NRK: variants seen among roughly 807,000 people sequenced by gnomAD.
NRK encodes the protein nik-related protein kinase.
In NRK, 67 loss-of-function variants were observed where a neutral mutation model predicts 125.2. The observed-to-expected ratio is 0.54, with a 90% CI of 0.44 to 0.66. The LOEUF (loss-of-function observed/expected upper bound fraction) is 0.66. Ranked by LOEUF, NRK falls within the 30% of genes least tolerant of loss-of-function variation. The probability of loss-of-function intolerance (pLI) is 0.00; values close to 1 mark genes in which losing one functional copy is unlikely to be tolerated. For missense variants in NRK, 1,224 were observed against 1,192.9 expected (o/e 1.03, Z -0.38); for synonymous variants, 458 against 429.0 (o/e 1.07, Z -0.84).
chrX:105,826,437 G>C (rs2039114215), intron 1 of NRK, among the ~76,000 whole-genome samples: 1 of 90,849 alleles, frequency 1.1e-5, no homozygotes, highest in African/African-American at 4.3e-5. Flanking sequence ...GTGTCCTTGA[G>C]ACTGGAAACT....
intron 9 of NRK, among the ~76,000 whole-genome samples, chrX:105,902,654 G>A (rs1280165597): frequency 8.9e-6 from 1 of 112,061 alleles, no homozygotes; most frequent in Non-Finnish European, 1.9e-5. Flanking sequence ...ACAGCAGGAG[G>A]TGAGCGGCGA....
chrX:105,878,894 A>G (rs2147704793), intron 2 of NRK, among the ~76,000 whole-genome samples: 1 of 111,155 alleles, frequency 9.0e-6, no homozygotes, highest in Non-Finnish European at 1.9e-5. Flanking sequence ...AATTGCTACA[A>G]ACTGGATGGC....
chrX:105,840,478 C>A (rs1001025534), intron 2 of NRK, among the ~76,000 whole-genome samples: 6 of 111,335 alleles, frequency 5.4e-5, no homozygotes, highest in African/African-American at 2.0e-4. Flanking sequence ...GAGACAAATA[C>A]ACATTTCTAA....
intron 5 of NRK, among the ~76,000 whole-genome samples, chrX:105,892,731 CTCT>C (rs1370304107): frequency 9.0e-6 from 1 of 111,497 alleles, no homozygotes; most frequent in South Asian, 3.8e-4. Context: ...GTTTGGCTGT[CTCT>C]TCTTCTTTTT....
intron 2 of NRK, among the ~76,000 whole-genome samples, chrX:105,866,902 AT>A (rs1328141281): frequency 3.7e-5 from 4 of 109,389 alleles, no homozygotes; most frequent in East Asian, 5.8e-4. Context: ...TTAGGACAAC[AT>A]TTTTTTTTCA....
intron 28 of NRK, among the ~76,000 whole-genome samples, chrX:105,953,525 C>G (rs1379166552): frequency 9.0e-6 from 1 of 111,442 alleles, no homozygotes; most frequent in Non-Finnish European, 1.9e-5. Flanking sequence ...AAACAAAATG[C>G]TTGAGCAAAT....
intron 14 of NRK, among the ~76,000 whole-genome samples, chrX:105,913,171 A>T (rs752068790): frequency 1.8e-5 from 2 of 111,827 alleles, no homozygotes; most frequent in South Asian, 3.7e-4. Flanking sequence ...TATACGAATA[A>T]AAGCTGGCTT....
intron 1 of NRK, among the ~76,000 whole-genome samples, chrX:105,825,574 G>C (rs770112344): frequency 8.9e-6 from 1 of 112,330 alleles, no homozygotes; most frequent in African/African-American, 3.2e-5. Flanking sequence ...ATTGAGAATT[G>C]AAGAAATTGG....
chrX:105,955,507 G>A lies in NRK; in HGVS notation c.4656G>A (p.Leu1552=). 8.6e-7 allele frequency: 1 copy of A among 1,168,811 alleles called. No individual in the cohort carries two copies. The highest frequency in any genetic ancestry group is 1.2e-6 in the Non-Finnish European group (1 of 864,117). Residue 1552 remains leucine, a splice_region_variant and synonymous_variant, in exon 29 of 29, where the codon CTG becomes CTA. Transcript: ENST00000243300. ...AGTGTATTTCTTTCTTTTTCAAGCT[G>A]TTCTTTACCTCTACCCTGCGCAATC... ...LRFLCTRGDK[L]FFTSTLRNHH...
In NRK at chrX:105,935,254, C is replaced by G; in HGVS notation, c.3584C>G (p.Ala1195Gly). 8.4e-7 allele frequency: 1 copy of G among 1,195,153 alleles called. No individual in the cohort carries two copies. Among genetic ancestry groups the G allele is most frequent in the Non-Finnish European group, 1.1e-6 (1 of 880,961 alleles). The change falls in exon 21 of 29, where the codon GCA becomes GGA. Residue 1195 changes from alanine (A) to glycine (G), a missense_variant. Physicochemically the swap from Ala to Gly is moderately conservative, Grantham distance 60 (BLOSUM62 0). Transcript: ENST00000243300. ...VNVNPLYVSP[A>G]CKKPLIHMYE... is the part of the protein sequence containing the mutation. ...GTTAACCCACTCTATGTCTCTCCTGCATGTAAAAAACCACTAATCCACATG... is the reference window on the plus strand; with the variant it reads ...GTTAACCCACTCTATGTCTCTCCTGGATGTAAAAAACCACTAATCCACATG...
intron 2 of NRK, among the ~76,000 whole-genome samples, chrX:105,834,448 T>G (rs1300924779): frequency 9.2e-6 from 1 of 108,300 alleles, no homozygotes; most frequent in Non-Finnish European, 1.9e-5. Context: ...TGGAGGTGTG[T>G]GCGTGTGTGT....
intron 28 of NRK, among the ~76,000 whole-genome samples, chrX:105,954,344 A>G (rs2040945174): frequency 9.0e-6 from 1 of 110,835 alleles, no homozygotes. Context: ...GTTTATGAAG[A>G]TTTTTATTTA....
chrX:105,907,469 T>C (rs1293224462), intron 11 of NRK: 3 of 111,785 alleles, frequency 2.7e-5, no homozygotes, highest in Non-Finnish European at 5.6e-5. Flanking sequence ...TCTATACATG[T>C]ATCATGTTTT....
At chrX:105,855,774 G>A (rs1367584740) in intron 2 of NRK, among the ~76,000 whole-genome samples, 1 of 111,770 alleles carries the variant, frequency 8.9e-6, no homozygotes, top group African/African-American at 3.2e-5. Context: ...ATCAACTCAT[G>A]CTTCACTTTT....
At chrX:105,835,451 G>T (rs2039250436) in intron 2 of NRK, among the ~76,000 whole-genome samples, 1 of 110,721 alleles carries the variant, frequency 9.0e-6, no homozygotes, top group Non-Finnish European at 1.9e-5. Flanking sequence ...TGGCCTGGTG[G>T]TGTGGGCAGG....
chrX:105,874,613 T>C (rs2039789778), intron 2 of NRK, among the ~76,000 whole-genome samples: 1 of 112,248 alleles, frequency 8.9e-6, no homozygotes, highest in African/African-American at 3.2e-5. Context: ...AACAAGATTT[T>C]CCTGCATTGG....
At chrX:105,929,531 A>G (rs1408308750) in intron 19 of NRK, among the ~76,000 whole-genome samples, 1 of 108,404 alleles carries the variant, frequency 9.2e-6, no homozygotes, top group African/African-American at 3.6e-5. Context: ...TTGATATGTG[A>G]ACACTTACTC....
At chrX:105,830,988 A>AT in intron 1 of NRK, 66 bp from the exon 2 acceptor site, 1 of 670,231 alleles carries the variant, frequency 1.5e-6, no homozygotes, top group Non-Finnish European at 2.4e-6. Context: ...ATATTAAAAA[A>AT]AAGATAGTTG....
At chrX:105,950,641 A>T (rs1279884207) in intron 27 of NRK, among the ~76,000 whole-genome samples, 4 of 108,322 alleles carry the variant, frequency 3.7e-5, no homozygotes, top group Non-Finnish European at 7.7e-5. Context: ...CATTTCCAAA[A>T]CATTGTGTCC....
Sources: gnomAD v4.1 joint callset for allele counts (sites outside exome capture counted in the v4.1 genomes callset) on GRCh38, gnomAD v4.1.1 for gene constraint, MANE v1.5 for transcripts, NCBI Gene and HGNC (gene_info 2026-07-23, HGNC 2026-07-21) for gene names.